Variants in JAKMIP2 observed in about 807,000 individuals in gnomAD.
The protein encoded by JAKMIP2 is janus kinase and microtubule interacting protein 2.
A neutral mutation model predicts 115.0 loss-of-function variants in JAKMIP2; 25 were observed. The ratio of observed to expected loss-of-function variants is 0.22; its 90% CI spans 0.16 to 0.30. The LOEUF is 0.30. Ranked by LOEUF, JAKMIP2 falls within the 10% of genes least tolerant of loss-of-function variation. JAKMIP2 has a pLI of 1.00. For synonymous variants in JAKMIP2, 334 were observed against 343.6 expected, an observed-to-expected ratio of 0.97 and a Z score of 0.31; for missense variants, 642 against 957.6, an observed-to-expected ratio of 0.67 and a Z score of 4.35.
At chr5:147,764,946 GGGA>G (rs1755082366) in intron 1 of JAKMIP2, among the ~76,000 whole-genome samples, 1 of 86,458 alleles carries the variant, frequency 1.2e-5, no homozygotes. Context: ...GAGAGAGAGA[GGGA>G]GAGAGAGAGA....
At chr5:147,670,520 G>A in intron 2 of JAKMIP2, among the ~76,000 whole-genome samples, 1 of 152,148 alleles carries the variant, frequency 6.6e-6, no homozygotes. Context: ...TTGGTGAGAT[G>A]TGTGTTTGCT....
intron 1 of JAKMIP2, among the ~76,000 whole-genome samples, chr5:147,762,364 C>T (rs1283348837): frequency 6.6e-6 from 1 of 152,090 alleles, no homozygotes; most frequent in African/African-American, 2.4e-5. Flanking sequence ...AATGATTGGG[C>T]TGTGTATTAG....
chr5:147,716,686 G>T, intron 1 of JAKMIP2, among the ~76,000 whole-genome samples: 1 of 149,160 alleles, frequency 6.7e-6, no homozygotes, highest in East Asian at 2.0e-4. Context: ...ACTTTTTGAT[G>T]GGGTTGTTTG....
intron 1 of JAKMIP2, among the ~76,000 whole-genome samples, chr5:147,730,860 T>C (rs1327689773): frequency 6.6e-6 from 1 of 152,198 alleles, no homozygotes; most frequent in Non-Finnish European, 1.5e-5. Context: ...ACCCTCACTC[T>C]GCTTCTTGGC....
intron 1 of JAKMIP2, among the ~76,000 whole-genome samples, chr5:147,770,489 C>T (rs888953454): frequency 5.9e-5 from 9 of 152,068 alleles, no homozygotes; most frequent in African/African-American, 1.7e-4. Context: ...CTCATCCAAA[C>T]CTATTCTTGT....
chr5:147,646,413 A>T (rs573843969), intron 5 of JAKMIP2, among the ~76,000 whole-genome samples: 3 of 152,260 alleles, frequency 2.0e-5, no homozygotes, highest in African/African-American at 7.2e-5. Context: ...GTCTCTTCTG[A>T]AGGTCAATGA....
intron 1 of JAKMIP2, among the ~76,000 whole-genome samples, chr5:147,684,789 C>T (rs1486949090): frequency 6.6e-6 from 1 of 151,958 alleles, no homozygotes; most frequent in African/African-American, 2.4e-5. Context: ...ATATGCAGAG[C>T]AGAAGGGAAG....
At chr5:147,623,224 C>CTTTTTTTTTTTTTT (rs199676287) in intron 17 of JAKMIP2, among the ~76,000 whole-genome samples, 1 of 138,738 alleles carries the variant, frequency 7.2e-6, no homozygotes, top group East Asian at 2.1e-4. Flanking sequence ...TTGTTCTACT[C>CTTTTTTTTTTTTTT]TTTTTTTTTT....
intron 1 of JAKMIP2, among the ~76,000 whole-genome samples, chr5:147,772,839 T>C (rs1042002265): frequency 1.2e-4 from 18 of 152,072 alleles, no homozygotes; most frequent in Non-Finnish European, 7.4e-5. Flanking sequence ...TTCATCTTTA[T>C]TGGCAAAATG....
chr5:147,629,593 G>C (rs115764526), intron 15 of JAKMIP2, 100 bp downstream of exon 15: 10,508 of 755,700 alleles, frequency 0.014, 192 homozygotes, highest in African/African-American at 0.064. Flanking sequence ...AAGTGAAATG[G>C]CATCTCACTT....
chr5:147,660,777 G>A (rs1477680827), intron 3 of JAKMIP2, 171 bp downstream of exon 3: 9 of 699,506 alleles, frequency 1.3e-5, no homozygotes, highest in Non-Finnish European at 2.1e-5. Context: ...CATATCTCTC[G>A]ATTGATCTAC....
chr5:147,737,420 G>T (rs1467798834), intron 1 of JAKMIP2, among the ~76,000 whole-genome samples: 2 of 152,134 alleles, frequency 1.3e-5, no homozygotes, highest in Non-Finnish European at 2.9e-5. Context: ...AAATGGTGAT[G>T]ATATAAATTT....
intron 21 of JAKMIP2, among the ~76,000 whole-genome samples, chr5:147,600,694 C>T (rs1378538826): frequency 1.3e-5 from 2 of 152,054 alleles, no homozygotes; most frequent in African/African-American, 2.4e-5. Context: ...CCAGTCCTTG[C>T]TCTCATCTCT....
intron 1 of JAKMIP2, among the ~76,000 whole-genome samples, chr5:147,744,519 A>G (rs571496879): frequency 2.0e-5 from 3 of 152,336 alleles, no homozygotes; most frequent in South Asian, 4.1e-4. Context: ...GTTGTTACAT[A>G]TTTTAAACCT....
At chr5:147,674,371 T>C (rs1208231223) in intron 1 of JAKMIP2, among the ~76,000 whole-genome samples, 1 of 152,230 alleles carries the variant, frequency 6.6e-6, no homozygotes, top group Non-Finnish European at 1.5e-5. Context: ...AATAGCTTCA[T>C]AGTCCCTTCA....
At chr5:147,694,353 A>G (rs1337645778) in intron 1 of JAKMIP2, among the ~76,000 whole-genome samples, 1 of 152,160 alleles carries the variant, frequency 6.6e-6, no homozygotes, top group East Asian at 1.9e-4. Flanking sequence ...TTGTGGAGTC[A>G]CAGTCATATC....
intron 2 of JAKMIP2, among the ~76,000 whole-genome samples, chr5:147,662,603 T>C (rs1759070665): frequency 6.6e-6 from 1 of 152,070 alleles, no homozygotes; most frequent in South Asian, 2.1e-4. Flanking sequence ...TCATCTCTGC[T>C]GCTTGGCTCT....
intron 9 of JAKMIP2, among the ~76,000 whole-genome samples, chr5:147,640,152 G>GT (rs5872033): frequency 0.22 from 33,373 of 151,926 alleles, 4,621 homozygotes; most frequent in East Asian, 0.58. Context: ...CCAGCAACTT[G>GT]TTTTTTCCCC....
chr5:147,620,902 T>C (rs1190200284), intron 17 of JAKMIP2, among the ~76,000 whole-genome samples, 159 bp from the exon 18 acceptor site: 2 of 152,182 alleles, frequency 1.3e-5, no homozygotes, highest in Admixed American at 1.3e-4. Flanking sequence ...TCAACTCTCA[T>C]AGTCTCACAC....
Sources: gnomAD v4.1 joint callset for allele counts (sites outside exome capture counted in the v4.1 genomes callset) on GRCh38, gnomAD v4.1.1 for gene constraint, MANE v1.5 for transcripts, NCBI Gene and HGNC (gene_info 2026-07-23, HGNC 2026-07-21) for gene names.